The following SAMD12 variants were observed in gnomAD, a reference collection of about 807,000 sequenced individuals.
SAMD12 encodes the protein sterile alpha motif domain-containing protein 12.
SAMD12 carries 9 observed loss-of-function variants against 15.0 expected under a neutral mutation model. The ratio of observed to expected loss-of-function variants is 0.60; its 90% confidence interval spans 0.36 to 1.05. SAMD12 has a LOEUF of 1.05. Ranked by LOEUF, SAMD12 falls within the 50% of genes least tolerant of loss-of-function variation. The pLI is 0.01. For synonymous variants in SAMD12, 86 were observed against 90.1 expected, an observed-to-expected ratio of 0.96 and a Z score of 0.25; for missense variants, 230 against 234.2, an observed-to-expected ratio of 0.98 and a Z score of 0.12.
chr8:118,369,783 A>C (rs762065097), intron 4 of SAMD12, among the ~76,000 whole-genome samples: 35 of 152,170 alleles, frequency 2.3e-4, no homozygotes, highest in Admixed American at 3.3e-4. Flanking sequence ...ACAACAACAA[A>C]AAACTTAAAT....
At chr8:118,553,498 G>T (rs1467185918) in intron 2 of SAMD12, among the ~76,000 whole-genome samples, 1 of 152,118 alleles carries the variant, frequency 6.6e-6, no homozygotes, top group Non-Finnish European at 1.5e-5. Flanking sequence ...GCTGAAACTG[G>T]ATCCCTTCCT....
intron 3 of SAMD12, among the ~76,000 whole-genome samples, chr8:118,428,782 T>G (rs1272156849): frequency 6.6e-6 from 1 of 152,188 alleles, no homozygotes; most frequent in African/African-American, 2.4e-5. Context: ...TTCTATTTTG[T>G]TCTACTATTA....
intron 3 of SAMD12, among the ~76,000 whole-genome samples, chr8:118,392,442 CAAAAACA>C (rs1170439698): frequency 6.6e-6 from 1 of 152,014 alleles, no homozygotes; most frequent in Non-Finnish European, 1.5e-5. Context: ...GACAAACAAA[CAAAAACA>C]AAAAACAAAA....
At chr8:118,152,151 C>A in the SAMD12 span, among the ~76,000 whole-genome samples, 1 of 152,172 alleles carries the variant, frequency 6.6e-6, no homozygotes, top group Non-Finnish European at 1.5e-5. Flanking sequence ...CAAATAGAAC[C>A]TCTGAAGAAA....
chr8:118,599,508 G>A lies in SAMD12; in HGVS notation c.14-18615C>T, dbSNP rs890838844. Among the ~76,000 whole-genome samples the A allele has an allele frequency of 3.9e-5, 6 of 152,260 alleles. No homozygotes were observed. The East Asian group carries it at 9.7e-4, about 25-fold the overall frequency. On this transcript the variant is annotated intron_variant, in intron 1 of 3. Coordinates refer to ENST00000314727, the MANE Select transcript of SAMD12 (RefSeq NM_207506.3). ...CCAGGTGCGGAGCGCTGCTGGTACC[G>A]CTTCTGTCAAAAGGCTCCCGCTCGT...
At chr8:118,463,447 AGCAGGTGGCGAGTGG>A (rs1296578952) in intron 2 of SAMD12, among the ~76,000 whole-genome samples, 7 of 152,098 alleles carry the variant, frequency 4.6e-5, no homozygotes, top group Non-Finnish European at 7.4e-5. Context: ...TGGGAAGTTG[AGCAGGTGGCGAGTGG>A]GCAGGAGAAA....
chr8:118,296,025 A>T (rs1814692898), intron 4 of SAMD12, among the ~76,000 whole-genome samples: 1 of 152,152 alleles, frequency 6.6e-6, no homozygotes, highest in Admixed American at 6.6e-5. Context: ...TCTTGCTTTT[A>T]TGAAGTCAAA....
At chr8:118,617,971 C>T (rs1828283086) in intron 1 of SAMD12, among the ~76,000 whole-genome samples, 1 of 152,024 alleles carries the variant, frequency 6.6e-6, no homozygotes, top group African/African-American at 2.4e-5. Context: ...CTGCTACCTC[C>T]TTCCAAGAGG....
At chr8:118,431,719 T>TGG (rs1822425386) in intron 3 of SAMD12, among the ~76,000 whole-genome samples, 1 of 124,836 alleles carries the variant, frequency 8.0e-6, no homozygotes, top group Non-Finnish European at 1.9e-5. Context: ...TGTGTGTGTG[T>TGG]GTGTGTGTGT....
chr8:118,473,745 G>A (rs546690695), intron 2 of SAMD12, among the ~76,000 whole-genome samples: 2 of 152,184 alleles, frequency 1.3e-5, no homozygotes, highest in African/African-American at 4.8e-5. Context: ...GGGAAGCATT[G>A]CTCTCACTGC....
intron 3 of SAMD12, among the ~76,000 whole-genome samples, chr8:118,419,570 C>A (rs1210899866): frequency 2.0e-5 from 3 of 152,214 alleles, no homozygotes; most frequent in African/African-American, 7.2e-5. Flanking sequence ...TCAGCCCCAG[C>A]CATCACTTCA....
At chr8:118,207,500 G>T (rs1484278385) in intron 4 of SAMD12, among the ~76,000 whole-genome samples, 1 of 152,082 alleles carries the variant, frequency 6.6e-6, no homozygotes, top group African/African-American at 2.4e-5. Context: ...GCATAAAAAT[G>T]TACCTTGAAG....
the SAMD12 span, among the ~76,000 whole-genome samples, chr8:118,149,335 T>C: frequency 0.019 from 2,851 of 152,338 alleles, 103 homozygotes; most frequent in African/African-American, 0.063. Context: ...TTAGCCATTC[T>C]GGTAGATGTG....
At chr8:118,190,918 T>G (rs1244279414) in exon 5 of SAMD12, 1 of 152,198 alleles carries the variant, frequency 6.6e-6, no homozygotes, top group African/African-American at 2.4e-5. Flanking sequence ...CTCAAGTATA[T>G]AAACCACAAC....
chr8:118,139,391 C>T, the SAMD12 span, among the ~76,000 whole-genome samples: 1 of 152,184 alleles, frequency 6.6e-6, no homozygotes, highest in Non-Finnish European at 1.5e-5. Flanking sequence ...AACAGTCTTA[C>T]TCTGTCACCC....
chr8:118,432,859 CACCACCACTGACAACAACCACCATT>C (rs1443585515), intron 3 of SAMD12, among the ~76,000 whole-genome samples: 3 of 152,118 alleles, frequency 2.0e-5, no homozygotes, highest in African/African-American at 7.2e-5. Flanking sequence ...CCCCTAGCAC[CACCACCACTGACAACAACCACCATT>C]ACCACCACTG....
chr8:118,321,144 A>AATAAAT (rs57107358), intron 4 of SAMD12, among the ~76,000 whole-genome samples: 80 of 94,422 alleles, frequency 8.5e-4, no homozygotes, highest in African/African-American at 2.8e-3. Flanking sequence ...ATAGATAATA[A>AATAAAT]ATATATATAT....
At chr8:118,268,736 C>A (rs1004778551) in intron 4 of SAMD12, among the ~76,000 whole-genome samples, 1 of 152,198 alleles carries the variant, frequency 6.6e-6, no homozygotes, top group Non-Finnish European at 1.5e-5. Context: ...ATCACTTGAA[C>A]GTTGGAGGTG....
rs1812083041 is a variant in SAMD12 at position 118,221,583 on chromosome 8, A to G, written c.434-23851T>C. Among the ~76,000 whole-genome samples, 3 of 152,162 alleles carry G rather than the reference A, an allele frequency of 2.0e-5. No homozygotes were observed. The South Asian group carries it at 6.2e-4, about 31-fold the overall frequency. On this transcript the variant is annotated intron_variant, in intron 4 of 4. Transcript: ENST00000409003. ...GAGTTAATTGAGTGAGGGGTGGGAG[A>G]GAGATGGGGTTGTAGTGGCTTGCAA...
Sources: allele counts gnomAD v4.1 joint callset (sites outside exome capture counted in the v4.1 genomes callset), GRCh38; gene constraint gnomAD v4.1.1; transcripts MANE v1.5; gene names NCBI Gene and HGNC (gene_info 2026-07-23, HGNC 2026-07-21).